The following CNTNAP5 variants were observed in gnomAD, a reference collection of about 807,000 sequenced individuals.
CNTNAP5 encodes the protein contactin associated protein family member 5.
CNTNAP5 carries 72 observed loss-of-function variants against 150.2 expected under a neutral mutation model. The observed-to-expected ratio is 0.48, with a 90% CI of 0.40 to 0.58. The LOEUF is 0.58. Among genes scored for constraint, CNTNAP5 ranks in the 20% least tolerant of loss-of-function variants. The pLI is 0.00. For synonymous variants in CNTNAP5, 672 were observed against 619.8 expected, an observed-to-expected ratio of 1.08 and a Z score of -1.25; for missense variants, 1,636 against 1,626.2, an observed-to-expected ratio of 1.01 and a Z score of -0.10.
At chr2:124,434,832 G>A (rs530440088) in intron 5 of CNTNAP5, 145 bp downstream of exon 5, 323 of 671,428 alleles carry the variant, frequency 4.8e-4, no homozygotes, top group Non-Finnish European at 7.1e-4. Flanking sequence ...AATGTTTAAG[G>A]CATGTATAGC....
intron 1 of CNTNAP5, among the ~76,000 whole-genome samples, chr2:124,159,419 G>A (rs1338654817): frequency 1.3e-4 from 20 of 152,318 alleles, no homozygotes; most frequent in Admixed American, 9.8e-4. Context: ...ATGAATGAGA[G>A]TGTGGCTGTG....
chr2:124,228,389 A>C (rs1453049529), intron 2 of CNTNAP5, among the ~76,000 whole-genome samples: 1 of 152,168 alleles, frequency 6.6e-6, no homozygotes, highest in Admixed American at 6.5e-5. Context: ...AGATATAACC[A>C]AAAATAACAC....
intron 8 of CNTNAP5, among the ~76,000 whole-genome samples, chr2:124,520,836 G>T (rs1230028103): frequency 6.6e-6 from 1 of 152,148 alleles, no homozygotes; most frequent in South Asian, 2.1e-4. Flanking sequence ...TGGGAAAAAA[G>T]CAATCTCATA....
At chr2:124,102,623 C>T (rs1262871033) in intron 1 of CNTNAP5, among the ~76,000 whole-genome samples, 1 of 152,196 alleles carries the variant, frequency 6.6e-6, no homozygotes, top group Non-Finnish European at 1.5e-5. Flanking sequence ...GCCCTCATCA[C>T]ATAAATTCAA....
intron 12 of CNTNAP5, among the ~76,000 whole-genome samples, chr2:124,613,886 C>A (rs560642709): frequency 1.3e-5 from 2 of 152,142 alleles, no homozygotes; most frequent in South Asian, 4.1e-4. Context: ...TCTGGACCTC[C>A]GCACACTTTT....
Position 124,903,026 on chromosome 2 carries a change from C to G in CNTNAP5, c.3581C>G (p.Thr1194Ser). The change falls in exon 22 of 24, where the codon ACC (threonine) becomes AGC (serine). Residue 1194 changes from threonine to serine, a missense_variant. By Grantham distance (58) the Thr-to-Ser change is moderately conservative. Transcript: ENST00000682447. Reference protein sequence around the residue: ...ATVAPVTVHGTLTESSCGFMV... With the variant: ...ATVAPVTVHGSLTESSCGFMV... ...GTCGCGCCTGTGACTGTCCATGGGA[C>G]CTTGACGGAATCCAGCTGTGGCTTC... The G allele has an allele frequency of 6.2e-7, 1 of 1,609,466 alleles. No homozygotes were observed. Among genetic ancestry groups the G allele is most frequent in the African/African-American group, 1.3e-5 (1 of 74,964 alleles).
At chr2:124,660,962 A>G (rs13010916) in intron 13 of CNTNAP5, among the ~76,000 whole-genome samples, 1 of 147,196 alleles carries the variant, frequency 6.8e-6, no homozygotes, top group African/African-American at 2.5e-5. Context: ...AAAAAAAAAA[A>G]GAAAAAGAAA....
At chr2:124,629,903 T>A (rs1388358156) in intron 12 of CNTNAP5, among the ~76,000 whole-genome samples, 1 of 65,996 alleles carries the variant, frequency 1.5e-5, no homozygotes, top group African/African-American at 5.8e-5. Context: ...CACAGAAATA[T>A]AACCATCAGA....
rs750163321 is a variant in CNTNAP5, at chr2:124,417,475, G to A, written c.414G>A (p.Val138=). 3 of 1,613,906 alleles carry A rather than the reference G, an allele frequency of 1.9e-6. No individual in the cohort carries two copies. Among genetic ancestry groups the A allele is most frequent in the Non-Finnish European group, 2.5e-6 (3 of 1,179,874 alleles). Reference sequence around the variant, plus strand: ...CAGGAAACATGAATGCTGACAGCGTGGTGCACCACAAGCTATTGCACTCAG... The same window carrying A: ...CAGGAAACATGAATGCTGACAGCGTAGTGCACCACAAGCTATTGCACTCAG... ...TFAGNMNADS[V]VHHKLLHSVR... The change falls in exon 4 of 24, where the codon GTG becomes GTA. Residue 138 remains valine (V), a synonymous_variant. Transcript: ENST00000682447.
chr2:124,460,377 A>G (rs947518189), intron 6 of CNTNAP5, among the ~76,000 whole-genome samples: 28 of 152,186 alleles, frequency 1.8e-4, no homozygotes, highest in Admixed American at 1.8e-3. Context: ...TATTTAAAAG[A>G]CAGTTCTTAT....
intron 1 of CNTNAP5, among the ~76,000 whole-genome samples, chr2:124,145,843 A>AAAAAT (rs1684238094): frequency 7.0e-5 from 10 of 143,808 alleles, no homozygotes; most frequent in East Asian, 6.1e-4. Context: ...AAAAAAAAAA[A>AAAAAT]AAATAAAATA....
intron 19 of CNTNAP5, among the ~76,000 whole-genome samples, chr2:124,813,043 TG>T (rs1682271834): frequency 6.6e-6 from 1 of 152,100 alleles, no homozygotes; most frequent in Non-Finnish European, 1.5e-5. Context: ...GTTGACTTTT[TG>T]TGTCAGCTCT....
At chr2:124,528,017 T>C (rs995027701) in intron 10 of CNTNAP5, among the ~76,000 whole-genome samples, 5 of 152,196 alleles carry the variant, frequency 3.3e-5, no homozygotes, top group Non-Finnish European at 5.9e-5. Context: ...GCTCTTCTTA[T>C]ATTAGAAGTT....
intron 10 of CNTNAP5, among the ~76,000 whole-genome samples, chr2:124,539,639 G>T (rs868645367): frequency 6.6e-6 from 1 of 152,226 alleles, no homozygotes; most frequent in Admixed American, 6.5e-5. Context: ...TATTATTCCC[G>T]CCTGCCTCTT....
chr2:124,237,186 T>G (rs963468027), intron 2 of CNTNAP5, among the ~76,000 whole-genome samples: 1 of 152,102 alleles, frequency 6.6e-6, no homozygotes, highest in Non-Finnish European at 1.5e-5. Flanking sequence ...TGCTGCTATG[T>G]GTGTGTATGA....
chr2:124,238,785 C>T (rs1276033407), intron 2 of CNTNAP5, among the ~76,000 whole-genome samples: 1 of 152,274 alleles, frequency 6.6e-6, no homozygotes, highest in African/African-American at 2.4e-5. Flanking sequence ...AGTGTAGGTG[C>T]AGTGCGTTTT....
chr2:124,791,855 C>T (rs191762389), intron 18 of CNTNAP5, among the ~76,000 whole-genome samples: 89 of 152,148 alleles, frequency 5.8e-4, no homozygotes, highest in Admixed American at 5.6e-3. Context: ...GTGTGCCTAG[C>T]CTTTTCATAT....
chr2:124,353,640 T>C (rs956888745), intron 3 of CNTNAP5, among the ~76,000 whole-genome samples: 4 of 152,190 alleles, frequency 2.6e-5, no homozygotes, highest in Non-Finnish European at 5.9e-5. Context: ...CAAATTCTTA[T>C]ACGAATTTTC....
intron 4 of CNTNAP5, among the ~76,000 whole-genome samples, chr2:124,419,341 A>C (rs1692022908): frequency 6.6e-6 from 1 of 152,114 alleles, no homozygotes; most frequent in Non-Finnish European, 1.5e-5. Context: ...CTACTTGCAC[A>C]GAAAGAGTCA....
Sources: gnomAD v4.1 joint callset for allele counts (sites outside exome capture counted in the v4.1 genomes callset) on GRCh38, gnomAD v4.1.1 for gene constraint, MANE v1.5 for transcripts, NCBI Gene and HGNC (gene_info 2026-07-23, HGNC 2026-07-21) for gene names.